Variants in SUMF1 observed in about 807,000 individuals in gnomAD.
The protein encoded by SUMF1 is sulfatase modifying factor 1.
A neutral mutation model predicts 47.6 loss-of-function variants in SUMF1; 48 were observed. The observed-to-expected ratio is 1.01, with a 90% CI of 0.80 to 1.28. SUMF1 has a LOEUF of 1.28. Among genes scored for constraint, SUMF1 ranks in the 50% most tolerant of loss-of-function variants. The pLI, the probability that SUMF1 is intolerant of heterozygous loss-of-function variation, is 0.00. For missense variants in SUMF1, 571 were observed against 485.4 expected, an observed-to-expected ratio of 1.18 and a Z score of -1.66; for synonymous variants, 230 against 192.1, an observed-to-expected ratio of 1.20 and a Z score of -1.63.
At chr3:4,350,872 G>C (rs1399874232) in intron 8 of SUMF1, among the ~76,000 whole-genome samples, 1 of 151,200 alleles carries the variant, frequency 6.6e-6, no homozygotes, top group African/African-American at 2.4e-5. Context: ...ATACCTCCTA[G>C]CCTTCCCAAA....
At chr3:4,402,112 G>C (rs1011695926) in intron 7 of SUMF1, among the ~76,000 whole-genome samples, 5 of 152,174 alleles carry the variant, frequency 3.3e-5, no homozygotes, top group African/African-American at 9.7e-5. Flanking sequence ...ACACTTCAGG[G>C]CTAAGGGCAA....
intron 8 of SUMF1, among the ~76,000 whole-genome samples, chr3:4,203,230 T>G (rs1695577816): frequency 6.6e-6 from 1 of 152,066 alleles, no homozygotes; most frequent in South Asian, 2.1e-4. Context: ...ATCTTTCTCT[T>G]TAGCTCTAAT....
At chr3:4,047,531 A>G (rs750825146) in intron 9 of SUMF1, among the ~76,000 whole-genome samples, 2 of 152,158 alleles carry the variant, frequency 1.3e-5, no homozygotes, top group Non-Finnish European at 2.9e-5. Context: ...TTTCCAAATG[A>G]AGTCAATGCC....
At chr3:4,260,857 C>T (rs1157928511) in intron 8 of SUMF1, among the ~76,000 whole-genome samples, 2 of 152,132 alleles carry the variant, frequency 1.3e-5, no homozygotes, top group Non-Finnish European at 2.9e-5. Flanking sequence ...GAAGAAGGGG[C>T]CACTAGCCAA....
At chr3:4,182,702 A>G (rs1695121876) in intron 8 of SUMF1, among the ~76,000 whole-genome samples, 1 of 152,108 alleles carries the variant, frequency 6.6e-6, no homozygotes, top group Admixed American at 6.5e-5. Flanking sequence ...TGGCAGGACA[A>G]TGGGAAGATC....
intron 8 of SUMF1, among the ~76,000 whole-genome samples, chr3:4,149,179 G>A (rs1235247495): frequency 6.6e-6 from 1 of 152,062 alleles, no homozygotes; most frequent in African/African-American, 2.4e-5. Flanking sequence ...GTTTAAAGAT[G>A]CTGTATTACT....
At chr3:4,042,425 A>G (rs1252253594) in intron 9 of SUMF1, among the ~76,000 whole-genome samples, 4 of 152,284 alleles carry the variant, frequency 2.6e-5, no homozygotes, top group African/African-American at 9.6e-5. Flanking sequence ...CCTGACAAGA[A>G]ACACTATCAC....
intron 7 of SUMF1, among the ~76,000 whole-genome samples, chr3:4,381,212 T>C (rs1700493131): frequency 6.6e-6 from 1 of 152,200 alleles, no homozygotes; most frequent in Admixed American, 6.5e-5. Context: ...CTAGAGACTA[T>C]TATTCTAAGT....
rs867740447 is a variant in SUMF1, at chr3:4,179,871, A to T, written c.1015-111126T>A. On this transcript the variant is annotated intron_variant and NMD_transcript_variant, in intron 8 of 12. Transcript: ENST00000448413. ...AGAAAAAAACAAACAACCCCATCAA[A>T]AAGTGGGCAAAGGATATGAACACAC... Among the ~76,000 whole-genome samples the T allele has an allele frequency of 2.6e-5, 4 of 152,178 alleles. No homozygotes were observed. The South Asian group carries it at 8.3e-4, about 32-fold the overall frequency.
intron 8 of SUMF1, among the ~76,000 whole-genome samples, chr3:4,174,442 A>C (rs1350005506): frequency 6.6e-6 from 1 of 151,712 alleles, no homozygotes; most frequent in Admixed American, 6.6e-5. Flanking sequence ...CATGCCTGTT[A>C]TCCCAGGGGA....
chr3:4,461,151 A>C (rs1292498203), intron 1 of SUMF1, among the ~76,000 whole-genome samples: 1 of 152,208 alleles, frequency 6.6e-6, no homozygotes, highest in Non-Finnish European at 1.5e-5. Context: ...AATTATAAAA[A>C]TGCTATTTAA....
chr3:4,172,444 T>G (rs1694852809), intron 8 of SUMF1, among the ~76,000 whole-genome samples: 1 of 152,192 alleles, frequency 6.6e-6, no homozygotes, highest in African/African-American at 2.4e-5. Flanking sequence ...AGCAGCACAC[T>G]TTTTGAGTCC....
At chr3:4,200,732 A>T (rs1053214865) in intron 8 of SUMF1, among the ~76,000 whole-genome samples, 1 of 152,072 alleles carries the variant, frequency 6.6e-6, no homozygotes, top group African/African-American at 2.4e-5. Flanking sequence ...CTATCTGTCT[A>T]TCCATACTAT....
At chr3:4,316,705 G>A (rs376847988) in intron 8 of SUMF1, 14 of 1,550,950 alleles carry the variant, frequency 9.0e-6, no homozygotes, top group East Asian at 2.4e-5. Context: ...TATGACAACC[G>A]GCGACGATCA....
At chr3:4,310,321 T>G (rs1266951553) in intron 8 of SUMF1, among the ~76,000 whole-genome samples, 1 of 152,248 alleles carries the variant, frequency 6.6e-6, no homozygotes, top group Non-Finnish European at 1.5e-5. Context: ...GGTAATTACA[T>G]AATCAGATGT....
At chr3:4,179,904 A>T (rs570295965) in intron 8 of SUMF1, among the ~76,000 whole-genome samples, 60 of 152,358 alleles carry the variant, frequency 3.9e-4, no homozygotes, top group African/African-American at 1.3e-3. Flanking sequence ...CACACTTCTC[A>T]AAAGAAGACA....
chr3:4,177,729 C>CA (rs1445960722), intron 8 of SUMF1, among the ~76,000 whole-genome samples: 5 of 151,746 alleles, frequency 3.3e-5, no homozygotes. Context: ...AAAAACCATT[C>CA]AAAAAAATCA....
rs185852301 is a variant in SUMF1, at chr3:4,369,189, A to C, written c.1015-6935T>G. ...ATAAAGACAGTGCTTTGTCTTCTAT[A>C]GATAGTGAAATGATAGCAACCAATT... is the stretch of plus-strand genomic sequence containing the variant. On this transcript the variant is annotated intron_variant, in intron 8 of 8. Coordinates refer to ENST00000272902, the MANE Select transcript of SUMF1 (RefSeq NM_182760.4). 3.2e-4 allele frequency among the ~76,000 whole-genome samples: 48 copies of C among 152,288 alleles called. 1 individual carries two copies. Among genetic ancestry groups the C allele is most frequent in the African/African-American group, 1.1e-3 (47 of 41,548 alleles).
At chr3:4,409,400 G>T (rs371140930) in intron 7 of SUMF1, among the ~76,000 whole-genome samples, 20 of 152,108 alleles carry the variant, frequency 1.3e-4, no homozygotes, top group East Asian at 5.8e-4. Context: ...TTGGTGAAAA[G>T]AAAAATGTGA....
Sources: gnomAD v4.1 joint callset for allele counts (sites outside exome capture counted in the v4.1 genomes callset) on GRCh38, gnomAD v4.1.1 for gene constraint, MANE v1.5 for transcripts, NCBI Gene and HGNC (gene_info 2026-07-23, HGNC 2026-07-21) for gene names.